NSMCE2: variants seen among roughly 807,000 people sequenced by gnomAD.
NSMCE2 encodes the protein NSE2 SUMO ligase component of SMC5/6 complex.
In NSMCE2, 24 loss-of-function variants were observed where a neutral mutation model predicts 23.8. The observed-to-expected ratio is 1.01, with a 90% CI of 0.73 to 1.42. The LOEUF (loss-of-function observed/expected upper bound fraction) is 1.42, where lower values mean the gene tolerates loss of function less well. Ranked by LOEUF, NSMCE2 falls within the 40% of genes most tolerant of loss-of-function variation. The probability of loss-of-function intolerance (pLI) is 0.00; values close to 1 mark genes in which losing one functional copy is unlikely to be tolerated. For missense variants in NSMCE2, 284 were observed against 296.5 expected (o/e 0.96, Z 0.31); for synonymous variants, 92 against 94.1 (o/e 0.98, Z 0.13).
At chr8:125,126,728 G>C (rs1322662428) in intron 3 of NSMCE2, among the ~76,000 whole-genome samples, 1 of 152,140 alleles carries the variant, frequency 6.6e-6, no homozygotes, top group African/African-American at 2.4e-5. Flanking sequence ...GCAATTATTA[G>C]CATTGTGTAA....
intron 5 of NSMCE2, among the ~76,000 whole-genome samples, chr8:125,321,897 G>C (rs1179693868): frequency 6.6e-6 from 1 of 152,190 alleles, no homozygotes; most frequent in Non-Finnish European, 1.5e-5. Flanking sequence ...TAATAGGTGT[G>C]TAGTGGTATC....
intron 3 of NSMCE2, chr8:125,130,130 A>G: frequency 2.7e-6 from 1 of 376,266 alleles, no homozygotes; most frequent in East Asian, 7.6e-5. Context: ...GACAGTTTTG[A>G]GGAATCCTGC....
chr8:125,250,228 G>C (rs1372539723), intron 5 of NSMCE2, among the ~76,000 whole-genome samples: 3 of 152,098 alleles, frequency 2.0e-5, no homozygotes, highest in Admixed American at 1.3e-4. Context: ...GACCTTGGGT[G>C]ATCCGCCTGC....
intron 4 of NSMCE2, among the ~76,000 whole-genome samples, chr8:125,154,568 A>G (rs1821211228): frequency 6.6e-6 from 1 of 152,026 alleles, no homozygotes; most frequent in Non-Finnish European, 1.5e-5. Context: ...AATATTATGC[A>G]GTGAACACTA....
chr8:125,347,003 G>A (rs17404103), intron 5 of NSMCE2, among the ~76,000 whole-genome samples: 8,673 of 152,154 alleles, frequency 0.057, 315 homozygotes, highest in Non-Finnish European at 0.085. Flanking sequence ...GGAGTGTGTC[G>A]AAAGAGCCAT....
At chr8:125,134,872 C>T (rs143685021) in intron 3 of NSMCE2, among the ~76,000 whole-genome samples, 4 of 151,920 alleles carry the variant, frequency 2.6e-5, no homozygotes, top group South Asian at 4.2e-4. Flanking sequence ...GGACTATAGG[C>T]GTATGCCACC....
In NSMCE2 at chr8:125,286,520, C is replaced by T. The variant is rs533247077; in HGVS notation, c.419-70699C>T. ...TAGAGATGGGGTGTTGCCATGTTGG[C>T]CAGGCTGGTCTCAAACTCCTGACCT... On this transcript the variant is annotated intron_variant, in intron 5 of 7. Coordinates refer to ENST00000287437, the MANE Select transcript of NSMCE2 (RefSeq NM_173685.4). Among the ~76,000 whole-genome samples, 17 of 151,888 alleles carry T rather than the reference C, an allele frequency of 1.1e-4. 1 individual carries two copies. Among genetic ancestry groups the T allele is most frequent in the Middle Eastern group, 3.4e-3 (1 of 294 alleles).
At chr8:125,314,525 C>T (rs567795456) in intron 5 of NSMCE2, among the ~76,000 whole-genome samples, 10 of 152,144 alleles carry the variant, frequency 6.6e-5, no homozygotes, top group South Asian at 6.2e-4. Context: ...CTCCTGACTT[C>T]GTGATCCACC....
rs559075701 is a variant in NSMCE2 at position 125,177,141 on chromosome 8, G to A, written c.265-4962G>A. On this transcript the variant is annotated intron_variant, in intron 4 of 7. Transcript: ENST00000287437. ...ACAACTTTGTTAAAGTCTCTATGCT[G>A]AAGTTAGAAGGAAAAGAATAAAAGT... Among the ~76,000 whole-genome samples, 8 of 152,318 alleles carry A rather than the reference G, an allele frequency of 5.3e-5. No individual in the cohort carries two copies. In the East Asian group the frequency reaches 1.5e-3, roughly 29 times the overall value.
chr8:125,145,226 A>G (rs948242111), intron 3 of NSMCE2, among the ~76,000 whole-genome samples: 3 of 152,216 alleles, frequency 2.0e-5, no homozygotes, highest in African/African-American at 7.2e-5. Flanking sequence ...ACTTCAGTCC[A>G]CAATGGTTTG....
At chr8:125,192,034 G>A (rs1402208041) in intron 5 of NSMCE2, among the ~76,000 whole-genome samples, 2 of 152,294 alleles carry the variant, frequency 1.3e-5, no homozygotes, top group African/African-American at 4.8e-5. Flanking sequence ...AGGGACAAAT[G>A]AGTCAGCAGC....
At chr8:125,356,070 T>C (rs1283276909) in intron 5 of NSMCE2, among the ~76,000 whole-genome samples, 2 of 152,306 alleles carry the variant, frequency 1.3e-5, no homozygotes, top group African/African-American at 4.8e-5. Flanking sequence ...TCTCATTCTT[T>C]TCATGAGTGA....
intron 5 of NSMCE2, among the ~76,000 whole-genome samples, chr8:125,345,777 G>A (rs112409727): frequency 0.012 from 1,818 of 152,288 alleles, 22 homozygotes; most frequent in Middle Eastern, 0.031. Flanking sequence ...GGATGGATAT[G>A]GGGGATAGGA....
intron 5 of NSMCE2, among the ~76,000 whole-genome samples, chr8:125,225,429 T>C (rs1825049819): frequency 6.6e-6 from 1 of 152,236 alleles, no homozygotes; most frequent in Non-Finnish European, 1.5e-5. Context: ...TTCAGAGCCC[T>C]GCAGCTCTCA....
At chr8:125,104,474 C>T (rs534410681) in intron 3 of NSMCE2, among the ~76,000 whole-genome samples, 11 of 152,202 alleles carry the variant, frequency 7.2e-5, no homozygotes, top group Admixed American at 3.3e-4. Context: ...TTGATTGCCC[C>T]GAGGGTTCAG....
chr8:125,333,809 G>A (rs757161780), intron 5 of NSMCE2, among the ~76,000 whole-genome samples: 40 of 152,026 alleles, frequency 2.6e-4, no homozygotes, highest in Non-Finnish European at 3.8e-4. Flanking sequence ...CACCGCGCCC[G>A]GCCTTCCTGG....
chr8:125,151,263 T>G lies in NSMCE2; in HGVS notation c.250T>G (p.Ser84Ala). Residue 84 changes from serine to alanine, a missense_variant, in exon 4 of 8, where the codon TCT (serine) becomes GCT (alanine). Transcript: ENST00000287437. ...QLNHYVKAVQ[S>A]TINHVKEERP... ...AAACCATTATGTAAAGGCTGTTCAA[T>G]CTACAATAAATCATGTAAGTTTATA... The G allele has an allele frequency of 1.9e-6, 3 of 1,576,888 alleles. No homozygotes were observed. The East Asian group carries it at 6.7e-5, about 35-fold the overall frequency.
Position 125,349,759 on chromosome 8 carries a change from T to C in NSMCE2, c.419-7460T>C, listed in dbSNP as rs76698778. Among the ~76,000 whole-genome samples the C allele has an allele frequency of 6.5e-3, 993 of 152,298 alleles. 7 individuals are homozygous for C. The highest frequency in any genetic ancestry group is 0.023 in the African/African-American group (960 of 41,558). ...AGGGCTGTGTGTGGCCAGTACCAAATGTATTTTATGACCACAAGACCATGT... is the reference window on the plus strand; with the variant it reads ...AGGGCTGTGTGTGGCCAGTACCAAACGTATTTTATGACCACAAGACCATGT... On this transcript the variant is annotated intron_variant, in intron 5 of 7. Transcript: ENST00000287437.
intron 5 of NSMCE2, among the ~76,000 whole-genome samples, chr8:125,312,823 TAA>T (rs1362050264): frequency 6.6e-6 from 1 of 151,952 alleles, no homozygotes; most frequent in African/African-American, 2.4e-5. Context: ...GCTAGTGTGA[TAA>T]AGAGTACGGG....
Sources: allele counts gnomAD v4.1 joint callset (sites outside exome capture counted in the v4.1 genomes callset), GRCh38; gene constraint gnomAD v4.1.1; transcripts MANE v1.5; gene names NCBI Gene and HGNC (gene_info 2026-07-23, HGNC 2026-07-21).